DGCR8: variants seen among roughly 807,000 people sequenced by gnomAD.
The protein encoded by DGCR8 is DGCR8 microprocessor complex subunit, also known as microprocessor complex subunit DGCR8.
In DGCR8, 14 loss-of-function variants were observed where a neutral mutation model predicts 78.5. That is an observed-to-expected ratio of 0.18 (90% CI 0.12 to 0.28). The LOEUF (loss-of-function observed/expected upper bound fraction) is 0.28. Among genes scored for constraint, DGCR8 ranks in the 10% least tolerant of loss-of-function variants. The pLI is 1.00. For synonymous variants in DGCR8, 399 were observed against 402.4 expected, an observed-to-expected ratio of 0.99 and a Z score of 0.10; for missense variants, 702 against 1,022.5, an observed-to-expected ratio of 0.69 and a Z score of 4.28.
At position 20,094,810 on chromosome 22, in the gene DGCR8, C is replaced by A; in HGVS notation, c.1788+15C>A. 6.2e-7 allele frequency: 1 copy of A among 1,611,906 alleles called. No homozygotes were observed. The highest frequency in any genetic ancestry group is 8.5e-7 in the Non-Finnish European group (1 of 1,178,028). Reference sequence around the variant, plus strand: ...AAGAACTCGAGGTGAGTGTTGTGGTCCTGCCCTGCTGGGAGCTGTGTGTGC... The same window carrying A: ...AAGAACTCGAGGTGAGTGTTGTGGTACTGCCCTGCTGGGAGCTGTGTGTGC... On this transcript the variant is annotated intron_variant, in intron 9 of 13. Coordinates refer to ENST00000351989, the MANE Select transcript of DGCR8 (RefSeq NM_022720.7).
chr22:20,083,609 C>T (rs1056180555), intron 1 of DGCR8, among the ~76,000 whole-genome samples: 4 of 152,056 alleles, frequency 2.6e-5, no homozygotes, highest in Non-Finnish European at 4.4e-5. Context: ...AGCAGGCTTC[C>T]CCATTCCGTC....
At position 20,089,218 on chromosome 22, in the gene DGCR8, A is replaced by G. The variant is rs1186198493; in HGVS notation, c.881-451A>G. 6.6e-6 allele frequency among the ~76,000 whole-genome samples: 1 copy of G among 151,644 alleles called. No individual in the cohort carries two copies. Among genetic ancestry groups the G allele is most frequent in the African/African-American group, 2.4e-5 (1 of 41,426 alleles). On this transcript the variant is annotated intron_variant, in intron 3 of 13. Coordinates refer to ENST00000351989, the MANE Select transcript of DGCR8 (RefSeq NM_022720.7). The surrounding 1 kb of genome is among the most constrained non-coding windows in gnomAD (Gnocchi z 4.9). ...GGAATCATTTGAAGCAGTGTTTTGT[A>G]TGCTGCTGAGAGTGCAGCTCAGTTA... is the stretch of plus-strand genomic sequence containing the variant.
intron 11 of DGCR8, 62 bp downstream of exon 11, chr22:20,106,760 C>A (rs528011927): frequency 8.4e-7 from 1 of 1,186,116 alleles, no homozygotes; most frequent in Non-Finnish European, 1.3e-6. Flanking sequence ...TGTGGCCCTG[C>A]GCCTCTGTGG....
chr22:20,107,704 G>A, intron 12 of DGCR8: 1 of 403,252 alleles, frequency 2.5e-6, no homozygotes, highest in South Asian at 2.5e-5. Flanking sequence ...TGCTGAAGGT[G>A]CGCCCGGCTC....
Position 20,086,667 on chromosome 22 carries a change from T to G in DGCR8, c.704T>G (p.Leu235Trp), listed in dbSNP as rs764663100. The change falls in exon 2 of 14, where the codon TTG (leucine) becomes TGG (tryptophan). Residue 235 changes from leucine (L) to tryptophan (W), a missense_variant. By Grantham distance (61) the Leu-to-Trp change is moderately conservative. Around this residue, in one of 4 missense-constraint regions of DGCR8, gnomAD observed 356 missense variants for 448.9 expected, o/e 0.79. Transcript: ENST00000351989. The surrounding 1 kb of genome is among the most constrained non-coding windows in gnomAD (Gnocchi z 6.4). ...AGAGACAGAGTGGATGAAGAGGCCTTGAATTTCCCCTACGAGGTATGTTGG... is the reference window on the plus strand; with the variant it reads ...AGAGACAGAGTGGATGAAGAGGCCTGGAATTTCCCCTACGAGGTATGTTGG... Reference protein sequence around the residue: ...VQRDRVDEEALNFPYEDDFDN... With the variant: ...VQRDRVDEEAWNFPYEDDFDN... 1 of 1,607,320 alleles carries G rather than the reference T, an allele frequency of 6.2e-7. No individual in the cohort carries two copies. The highest frequency in any genetic ancestry group is 8.5e-7 in the Non-Finnish European group (1 of 1,179,400).
rs377476467 is a variant in DGCR8, at chr22:20,093,322, G to A, written c.1705+415G>A. Among the ~76,000 whole-genome samples, 39 of 152,110 alleles carry A rather than the reference G, an allele frequency of 2.6e-4. No individual in the cohort carries two copies. The South Asian group carries it at 6.8e-3, about 27-fold the overall frequency. On this transcript the variant is annotated intron_variant, in intron 8 of 13. Transcript: ENST00000351989. The stretch of plus-strand genomic sequence containing the variant: ...CGGGAGGCTGAGGCAGGAGAATGGC[G>A]TGAACAAGCGAGGCAGAGCTTGCAG...
chr22:20,091,448 T>C lies in DGCR8; in HGVS notation c.1320T>C (p.Phe440=), dbSNP rs1271762773. The C allele has an allele frequency of 4.3e-6, 7 of 1,614,232 alleles. No individual in the cohort carries two copies. The South Asian group carries it at 7.7e-5, about 18-fold the overall frequency. ...CKDESVDLEE[F]RSYLEKRFDF... ...AATCTGGGACAGATCTCGAGGAATT[T>C]CGAAGCTACCTGGAGAAGCGTTTTG... is the stretch of plus-strand genomic sequence containing the variant. Residue 440 remains phenylalanine, a synonymous_variant, in exon 6 of 14, where the codon TTT becomes TTC. Coordinates refer to ENST00000351989, the MANE Select transcript of DGCR8 (RefSeq NM_022720.7).
chr22:20,080,980 G>T (rs76584826), intron 1 of DGCR8, among the ~76,000 whole-genome samples: 19,868 of 152,212 alleles, frequency 0.13, 1,682 homozygotes, highest in Non-Finnish European at 0.19. Context: ...CGGCAGTCCT[G>T]TCTTTGGCTG....
chr22:20,083,421 C>T (rs536967690), intron 1 of DGCR8, among the ~76,000 whole-genome samples: 6 of 151,346 alleles, frequency 4.0e-5, no homozygotes, highest in African/African-American at 1.5e-4. Flanking sequence ...AAGGAACTTG[C>T]CCAGGACTGC....
At chr22:20,091,842 T>C (rs373148087) in intron 6 of DGCR8, 27 bp from the exon 7 acceptor site, 192 of 1,607,820 alleles carry the variant, frequency 1.2e-4, no homozygotes, top group Admixed American at 1.8e-4. Flanking sequence ...TGCTTCACAC[T>C]TGCTGAGATG....
intron 3 of DGCR8, among the ~76,000 whole-genome samples, chr22:20,088,598 C>T (rs528525184): frequency 2.6e-5 from 4 of 152,104 alleles, no homozygotes; most frequent in African/African-American, 7.2e-5. Context: ...TCCATCTTGG[C>T]CTGACTCTGT....
intron 9 of DGCR8, among the ~76,000 whole-genome samples, chr22:20,099,438 C>T (rs1463475116): frequency 6.6e-6 from 1 of 152,162 alleles, no homozygotes; most frequent in Non-Finnish European, 1.5e-5. Flanking sequence ...TGAGGCTTTT[C>T]CAGAGGGTGG....
chr22:20,086,947 G>T lies in DGCR8; in HGVS notation c.721-215G>T. 1.3e-6 allele frequency: 1 copy of T among 748,710 alleles called. No individual in the cohort carries two copies. The highest frequency in any genetic ancestry group is 2.1e-6 in the Non-Finnish European group (1 of 475,828). The allele number at this position is 748,710 out of a possible 1,614,324, so 46.4% of individuals were successfully genotyped here. A position where few individuals can be genotyped will look rare whatever the true frequency, so the allele number is the denominator to read the frequency against. On this transcript the variant is annotated intron_variant, in intron 2 of 13. Transcript: ENST00000351989. This position sits in a 1 kb window ranked among gnomAD's most constrained non-coding sequence, Gnocchi z 6.4. Reference sequence around the variant, plus strand: ...GGGGCAGCAGGTGCTGCTGAGTTACGCTCCTTGGCAGTGTGTGCCCCTGGA... The same window carrying T: ...GGGGCAGCAGGTGCTGCTGAGTTACTCTCCTTGGCAGTGTGTGCCCCTGGA...
At chr22:20,100,830 G>A in intron 9 of DGCR8, 1 of 985,198 alleles carries the variant, frequency 1.0e-6, no homozygotes, top group Non-Finnish European at 1.2e-6. Flanking sequence ...CCACACTGCA[G>A]CCTGTCTGGA....
chr22:20,094,094 C>T (rs541072118), intron 8 of DGCR8, among the ~76,000 whole-genome samples: 10 of 152,304 alleles, frequency 6.6e-5, no homozygotes, highest in African/African-American at 1.7e-4. Context: ...CGGGATCACC[C>T]GCTTTCCTCC....
At chr22:20,092,044 C>G in intron 7 of DGCR8, 74 bp downstream of exon 7, 17 of 1,153,718 alleles carry the variant, frequency 1.5e-5, no homozygotes, top group Non-Finnish European at 2.2e-5. Flanking sequence ...GGGAGGCAGG[C>G]GCTGACCGCT....
intron 9 of DGCR8, among the ~76,000 whole-genome samples, chr22:20,104,859 G>GAGGAGCTGCCCTCTGCCCGCTGCCCT (rs1555880029): frequency 6.6e-6 from 1 of 152,132 alleles, no homozygotes; most frequent in Non-Finnish European, 1.5e-5. Context: ...GGGCAGAGGA[G>GAGGAGCTGCCCTCTGCCCGCTGCCCT]CTGCCCACTG....
intron 9 of DGCR8, among the ~76,000 whole-genome samples, chr22:20,098,844 G>A (rs1286845436): frequency 6.6e-6 from 1 of 152,180 alleles, no homozygotes; most frequent in Non-Finnish European, 1.5e-5. Flanking sequence ...TCATTGTAAT[G>A]TGATGACCTC....
In DGCR8 at chr22:20,086,919, C is replaced by A; in HGVS notation, c.720+236C>A. On this transcript the variant is annotated intron_variant, in intron 2 of 13. Transcript: ENST00000351989. The surrounding 1 kb of genome is among the most constrained non-coding windows in gnomAD (Gnocchi z 6.4). ...TAGGCCCTGCATCCCTGATCTAGCGCGTGGGGCAGCAGGTGCTGCTGAGTT... is the reference window on the plus strand; with the variant it reads ...TAGGCCCTGCATCCCTGATCTAGCGAGTGGGGCAGCAGGTGCTGCTGAGTT... The A allele has an allele frequency of 4.1e-6, 3 of 724,656 alleles. No homozygotes were observed. The highest frequency in any genetic ancestry group is 4.4e-6 in the Non-Finnish European group (2 of 456,810). 44.9% of individuals were successfully genotyped at this position (724,656 alleles called of 1,614,324 possible). A position where few individuals can be genotyped will look rare whatever the true frequency, so the allele number is the denominator to read the frequency against.
Sources: allele counts gnomAD v4.1 joint callset (sites outside exome capture counted in the v4.1 genomes callset), GRCh38; gene constraint gnomAD v4.1.1; regional missense constraint gnomAD v4.1.1; non-coding constraint Gnocchi (gnomAD v3.1); transcripts MANE v1.5; gene names NCBI Gene and HGNC (gene_info 2026-07-23, HGNC 2026-07-21).